DAAM1: variants seen among roughly 807,000 people sequenced by gnomAD.
DAAM1 encodes disheveled-associated activator of morphogenesis 1.
A neutral mutation model predicts 130.0 loss-of-function variants in DAAM1; 52 were observed. The ratio of observed to expected loss-of-function variants is 0.40; its 90% confidence interval spans 0.32 to 0.50. The LOEUF (loss-of-function observed/expected upper bound fraction) is 0.50. Among genes scored for constraint, DAAM1 ranks in the 20% least tolerant of loss-of-function variants. The probability of loss-of-function intolerance (pLI) is 0.61; values close to 1 mark genes in which losing one functional copy is unlikely to be tolerated. For synonymous variants in DAAM1, 452 were observed against 444.5 expected (o/e 1.02, Z -0.21); for missense variants, 1,134 against 1,303.8 (o/e 0.87, Z 2.01).
chr14:59,336,303 A>T lies in DAAM1; in HGVS notation c.1969-3771A>T, dbSNP rs148680945. Among the ~76,000 whole-genome samples, 13 of 152,314 alleles carry T rather than the reference A, an allele frequency of 8.5e-5. No individual in the cohort carries two copies. The East Asian group carries it at 2.5e-3, about 29-fold the overall frequency. On this transcript the variant is annotated intron_variant, in intron 15 of 24. Coordinates refer to ENST00000360909, the MANE Select transcript of DAAM1 (RefSeq NM_001270520.2). ...ATGCAAGTCCCAACTTCCTATTTATACTCCAAGCCCTAAGCTTTATGCCAG... is the reference window on the plus strand; with the variant it reads ...ATGCAAGTCCCAACTTCCTATTTATTCTCCAAGCCCTAAGCTTTATGCCAG...
At chr14:59,214,746 A>G (rs914312359) in intron 1 of DAAM1, among the ~76,000 whole-genome samples, 3 of 151,894 alleles carry the variant, frequency 2.0e-5, no homozygotes, top group African/African-American at 4.8e-5. Flanking sequence ...TTTTTTATTC[A>G]TGGACATTTG....
chr14:59,348,809 G>A (rs1042936041), intron 17 of DAAM1, among the ~76,000 whole-genome samples: 11 of 152,136 alleles, frequency 7.2e-5, no homozygotes, highest in Non-Finnish European at 1.5e-4. Flanking sequence ...ATGCAGGGAG[G>A]AATGATGTTT....
At chr14:59,289,784 A>ATATATATATATATATATATACATATATAT in intron 2 of DAAM1, among the ~76,000 whole-genome samples, 1 of 128,714 alleles carries the variant, frequency 7.8e-6, no homozygotes, top group African/African-American at 2.9e-5. Flanking sequence ...ATATATATAT[A>ATATATATATATATATATATACATATATAT]ATGGAATGCT....
At chr14:59,304,732 A>G (rs773296527) in intron 3 of DAAM1, among the ~76,000 whole-genome samples, 11 of 152,198 alleles carry the variant, frequency 7.2e-5, no homozygotes, top group Non-Finnish European at 1.5e-4. Context: ...ATTCATGAGT[A>G]CATTGTAGAG....
intron 16 of DAAM1, among the ~76,000 whole-genome samples, chr14:59,345,824 T>C (rs558612343): frequency 1.2e-3 from 178 of 152,284 alleles, no homozygotes; most frequent in Non-Finnish European, 1.7e-3. Flanking sequence ...TTCTATTTCC[T>C]TCTTAGTACT....
At chr14:59,341,044 T>G (rs919977362) in intron 16 of DAAM1, among the ~76,000 whole-genome samples, 11 of 152,216 alleles carry the variant, frequency 7.2e-5, no homozygotes, top group Non-Finnish European at 1.0e-4. Context: ...TAGTCCTTAT[T>G]ATTTAGATGT....
At chr14:59,346,149 G>GC (rs1886073141) in intron 16 of DAAM1, among the ~76,000 whole-genome samples, 1 of 146,324 alleles carries the variant, frequency 6.8e-6, no homozygotes, top group African/African-American at 2.6e-5. Flanking sequence ...GGGGGGGGGG[G>GC]GGTGCCTGGA....
At chr14:59,194,761 T>C (rs1412049128) in intron 1 of DAAM1, among the ~76,000 whole-genome samples, 2 of 152,260 alleles carry the variant, frequency 1.3e-5, no homozygotes, top group African/African-American at 4.8e-5. Context: ...CTTTTATTTA[T>C]TTTTACAGTG....
intron 3 of DAAM1, among the ~76,000 whole-genome samples, chr14:59,309,846 A>G (rs780296536): frequency 7.9e-5 from 12 of 152,204 alleles, no homozygotes; most frequent in Non-Finnish European, 1.6e-4. Context: ...ATATTTTTAC[A>G]TCTTCCATCT....
At chr14:59,318,341 C>T (rs1265384032) in intron 4 of DAAM1, among the ~76,000 whole-genome samples, 1 of 151,812 alleles carries the variant, frequency 6.6e-6, no homozygotes, top group Non-Finnish European at 1.5e-5. Context: ...CTCTGTCAGA[C>T]CCGCGTGTTC....
At chr14:59,334,456 G>A (rs1885550261) in intron 15 of DAAM1, among the ~76,000 whole-genome samples, 1 of 152,132 alleles carries the variant, frequency 6.6e-6, no homozygotes, top group Non-Finnish European at 1.5e-5. Flanking sequence ...CCTCCCTCCA[G>A]AGTCATGACA....
At chr14:59,274,255 T>C (rs1882853018) in intron 2 of DAAM1, among the ~76,000 whole-genome samples, 1 of 152,164 alleles carries the variant, frequency 6.6e-6, no homozygotes, top group Admixed American at 6.5e-5. Flanking sequence ...ATTTAAGAAC[T>C]AAATTAAACC....
Position 59,268,880 on chromosome 14 carries a change from C to A in DAAM1, c.183+5220C>A, listed in dbSNP as rs577248967. 2.6e-5 allele frequency among the ~76,000 whole-genome samples: 4 copies of A among 152,274 alleles called. No homozygotes were observed. The South Asian group carries it at 8.3e-4, about 32-fold the overall frequency. ...TATTGAAATAAGATTCAGTAATATT[C>A]TTTTCTACAGGTTTTTAAAAGTCTT... is the stretch of plus-strand genomic sequence containing the variant. On this transcript the variant is annotated intron_variant, in intron 2 of 24. Transcript: ENST00000360909.
intron 2 of DAAM1, among the ~76,000 whole-genome samples, chr14:59,276,496 G>C (rs1882974513): frequency 6.6e-6 from 1 of 152,106 alleles, no homozygotes; most frequent in South Asian, 2.1e-4. Context: ...GTTGAGTTGT[G>C]GGGTGGGAGG....
At chr14:59,281,273 A>G (rs1489653846) in intron 2 of DAAM1, among the ~76,000 whole-genome samples, 1 of 152,174 alleles carries the variant, frequency 6.6e-6, no homozygotes, top group Non-Finnish European at 1.5e-5. Flanking sequence ...TCAACTGTTC[A>G]GTAGATAAGA....
At chr14:59,312,780 A>G (rs1420540946) in intron 3 of DAAM1, among the ~76,000 whole-genome samples, 1 of 152,258 alleles carries the variant, frequency 6.6e-6, no homozygotes, top group African/African-American at 2.4e-5. Flanking sequence ...AAAGAGTTGG[A>G]TGTTTAAAAA....
At chr14:59,318,354 A>G (rs768683245) in intron 4 of DAAM1, among the ~76,000 whole-genome samples, 1 of 151,710 alleles carries the variant, frequency 6.6e-6, no homozygotes, top group Non-Finnish European at 1.5e-5. Flanking sequence ...GCGTGTTCCA[A>G]TGTACACCTT....
At chr14:59,352,671 C>T (rs555391311) in intron 18 of DAAM1, 39 bp downstream of exon 18, 4 of 1,542,398 alleles carry the variant, frequency 2.6e-6, no homozygotes, top group Admixed American at 1.7e-5. Flanking sequence ...GATGTCACTT[C>T]CCTTTCTAAG....
chr14:59,203,534 T>C (rs948912282), intron 1 of DAAM1, among the ~76,000 whole-genome samples: 2 of 152,232 alleles, frequency 1.3e-5, no homozygotes, highest in Admixed American at 6.5e-5. Context: ...CATGTACATC[T>C]CATTTTTTCC....
Sources: allele counts gnomAD v4.1 joint callset (sites outside exome capture counted in the v4.1 genomes callset), GRCh38; gene constraint gnomAD v4.1.1; transcripts MANE v1.5; gene names NCBI Gene and HGNC (gene_info 2026-07-23, HGNC 2026-07-21).